The following PGBD5 variants were observed in gnomAD, a reference collection of about 807,000 sequenced individuals.
PGBD5 encodes piggyBac transposable element derived 5.
In PGBD5, 14 loss-of-function variants were observed where a neutral mutation model predicts 47.9. The ratio of observed to expected loss-of-function variants is 0.29; its 90% CI spans 0.19 to 0.46. PGBD5 has a LOEUF of 0.46. PGBD5 is among the 20% of genes least tolerant of loss of function. The pLI is 1.00. For missense variants in PGBD5, 635 were observed against 716.0 expected, an observed-to-expected ratio of 0.89 and a Z score of 1.29; for synonymous variants, 316 against 306.3, an observed-to-expected ratio of 1.03 and a Z score of -0.33.
At chr1:230,372,127 A>G (rs1464513869) in intron 1 of PGBD5, among the ~76,000 whole-genome samples, 2 of 152,230 alleles carry the variant, frequency 1.3e-5, no homozygotes, top group East Asian at 3.8e-4. Flanking sequence ...CACACAAAGC[A>G]AATGCATTTC....
At chr1:230,411,787 G>C (rs888625388) in intron 1 of PGBD5, among the ~76,000 whole-genome samples, 8 of 152,010 alleles carry the variant, frequency 5.3e-5, no homozygotes, top group African/African-American at 1.9e-4. Context: ...AGGAACATAA[G>C]GGTACCTCAG....
intron 1 of PGBD5, among the ~76,000 whole-genome samples, chr1:230,383,604 C>A (rs548884293): frequency 6.6e-6 from 1 of 152,264 alleles, no homozygotes; most frequent in South Asian, 2.1e-4. Context: ...ACTCCTGGCT[C>A]AAGCGATCCT....
At chr1:230,406,700 A>G (rs182309311) in intron 1 of PGBD5, among the ~76,000 whole-genome samples, 47 of 152,352 alleles carry the variant, frequency 3.1e-4, no homozygotes, top group African/African-American at 1.1e-3. Context: ...ATTGTCATTT[A>G]ATTTTATTCA....
rs139009010 is a variant in PGBD5, at chr1:230,379,327, G to A, written c.332-22006C>T. On this transcript the variant is annotated intron_variant, in intron 1 of 6. Coordinates refer to ENST00000391860, the MANE Select transcript of PGBD5 (RefSeq NM_001258311.2). Reference sequence around the variant, plus strand: ...TCCACATCCCATCCACAAGCTCCACGTTCAAATTACTCTCTCCAAGTCCCA... The same window carrying A: ...TCCACATCCCATCCACAAGCTCCACATTCAAATTACTCTCTCCAAGTCCCA... Among the ~76,000 whole-genome samples, 786 of 152,138 alleles carry A rather than the reference G, an allele frequency of 5.2e-3. 4 individuals are homozygous for A. The highest frequency in any genetic ancestry group is 0.017 in the African/African-American group (720 of 41,488).
At chr1:230,350,144 G>A (rs190017771) in intron 3 of PGBD5, among the ~76,000 whole-genome samples, 6 of 152,340 alleles carry the variant, frequency 3.9e-5, no homozygotes, top group African/African-American at 9.6e-5. Flanking sequence ...GCAAGTGAGC[G>A]TGCGGTCAGC....
chr1:230,402,347 G>C (rs1657156690), intron 1 of PGBD5, among the ~76,000 whole-genome samples: 1 of 152,226 alleles, frequency 6.6e-6, no homozygotes, highest in African/African-American at 2.4e-5. Flanking sequence ...GAAGGTCCAG[G>C]AACGCTTCTC....
Position 230,425,501 on chromosome 1 carries a change from C to A in PGBD5, c.331+97G>T. The A allele has an allele frequency of 1.1e-5, 10 of 934,512 alleles. No homozygotes were observed. The allele number at this position is 934,512 out of a possible 1,614,324, so 57.9% of individuals were successfully genotyped here. On this transcript the variant is annotated intron_variant, in intron 1 of 6. Transcript: ENST00000391860. The surrounding 1 kb of genome is among the most constrained non-coding windows in gnomAD (Gnocchi z 4.7). ...TCCGGAGAGACACCCACAAGCCAGC[C>A]CACGGAGAGTCTGGACTCGCCCGCC...
intron 1 of PGBD5, among the ~76,000 whole-genome samples, chr1:230,398,619 G>A (rs1452559971): frequency 1.3e-5 from 2 of 152,324 alleles, no homozygotes; most frequent in Middle Eastern, 3.4e-3. Flanking sequence ...GGCAGTTCTA[G>A]GACAGAACTA....
intron 1 of PGBD5, among the ~76,000 whole-genome samples, chr1:230,358,055 A>G (rs1310476589): frequency 6.6e-6 from 1 of 152,060 alleles, no homozygotes; most frequent in Non-Finnish European, 1.5e-5. Flanking sequence ...TATTACAAAT[A>G]CATCGATGTA....
At chr1:230,409,779 T>A (rs1311894268) in intron 1 of PGBD5, among the ~76,000 whole-genome samples, 3 of 152,154 alleles carry the variant, frequency 2.0e-5, no homozygotes, top group Non-Finnish European at 4.4e-5. Flanking sequence ...ATGGCTGAAT[T>A]ATTTTATAAT....
chr1:230,393,696 G>T (rs1012214866), intron 1 of PGBD5, among the ~76,000 whole-genome samples: 1 of 151,978 alleles, frequency 6.6e-6, no homozygotes, highest in Non-Finnish European at 1.5e-5. Context: ...GCAGTGGCGG[G>T]CGCCTGTAGT....
Position 230,425,458 on chromosome 1 carries a change from C to G in PGBD5, c.331+140G>C. ...AGGAGCAGTCAGACCGATCACCGCTCCTGCAGCCTCATTTGTTTCCGGAGA... is the reference window on the plus strand; with the variant it reads ...AGGAGCAGTCAGACCGATCACCGCTGCTGCAGCCTCATTTGTTTCCGGAGA... On this transcript the variant is annotated intron_variant, in intron 1 of 6. Transcript: ENST00000391860. This position sits in a 1 kb window ranked among gnomAD's most constrained non-coding sequence, Gnocchi z 4.7. 1.6e-6 allele frequency: 1 copy of G among 615,224 alleles called. No homozygotes were observed. Among genetic ancestry groups the G allele is most frequent in the Non-Finnish European group, 2.3e-6 (1 of 432,992 alleles). The allele number at this position is 615,224 out of a possible 1,614,324, so 38.1% of individuals were successfully genotyped here. A position where few individuals can be genotyped will look rare whatever the true frequency, so the allele number is the denominator to read the frequency against.
At chr1:230,355,780 G>T (rs910648743) in intron 2 of PGBD5, among the ~76,000 whole-genome samples, 1 of 152,148 alleles carries the variant, frequency 6.6e-6, no homozygotes, top group East Asian at 1.9e-4. Flanking sequence ...AGAAGAAGGC[G>T]GCGTTCCAAG....
At chr1:230,388,094 G>A (rs965333068) in intron 1 of PGBD5, among the ~76,000 whole-genome samples, 1 of 152,166 alleles carries the variant, frequency 6.6e-6, no homozygotes, top group Non-Finnish European at 1.5e-5. Flanking sequence ...CCCCAAAGCT[G>A]AAATGTGCAT....
At chr1:230,362,523 G>T in intron 1 of PGBD5, 1 of 1,140,456 alleles carries the variant, frequency 8.8e-7, no homozygotes, top group Non-Finnish European at 1.1e-6. Flanking sequence ...CCTTCTGGGG[G>T]AACCTCCTGA....
intron 1 of PGBD5, among the ~76,000 whole-genome samples, chr1:230,400,539 A>T (rs994319805): frequency 6.6e-6 from 1 of 152,258 alleles, no homozygotes; most frequent in Non-Finnish European, 1.5e-5. Flanking sequence ...ATGGGTGCTC[A>T]GTAAAGACTT....
chr1:230,404,779 C>T (rs1657259443), intron 1 of PGBD5, among the ~76,000 whole-genome samples: 1 of 151,122 alleles, frequency 6.6e-6, no homozygotes, highest in African/African-American at 2.4e-5. Flanking sequence ...CCAAAAAATA[C>T]AAAATTAGCT....
chr1:230,361,050 C>T (rs184695899), intron 1 of PGBD5, among the ~76,000 whole-genome samples: 114 of 152,338 alleles, frequency 7.5e-4, no homozygotes, highest in Non-Finnish European at 1.2e-3. Context: ...CTGAGTGCAC[C>T]TGCTGTGGTT....
At position 230,323,983 on chromosome 1, in the gene PGBD5, G is replaced by C. The variant is rs1667077151; in HGVS notation, c.1380-363C>G. ...CCTTGCAAAGCTGTGCTCTGTACGT[G>C]CTGTGCAGCTGACACTCCCCCAAGG... On this transcript the variant is annotated intron_variant, in intron 6 of 6. Coordinates refer to ENST00000391860, the MANE Select transcript of PGBD5 (RefSeq NM_001258311.2). The surrounding 1 kb of genome is among the most constrained non-coding windows in gnomAD (Gnocchi z 4.1). Among the ~76,000 whole-genome samples, 1 of 152,216 alleles carries C rather than the reference G, an allele frequency of 6.6e-6. No homozygotes were observed. Among genetic ancestry groups the C allele is most frequent in the South Asian group, 2.1e-4 (1 of 4,830 alleles).
Sources: allele counts gnomAD v4.1 joint callset (sites outside exome capture counted in the v4.1 genomes callset), GRCh38; gene constraint gnomAD v4.1.1; non-coding constraint Gnocchi (gnomAD v3.1); transcripts MANE v1.5; gene names NCBI Gene and HGNC (gene_info 2026-07-23, HGNC 2026-07-21).